The following WNT8B variants were observed in gnomAD, a reference collection of about 807,000 sequenced individuals.
The protein encoded by WNT8B is Wnt family member 8B, also known as protein Wnt-8b.
Under a neutral mutation model 36.6 loss-of-function variants are expected in WNT8B, and 24 were observed. That is an observed-to-expected ratio of 0.66 (90% CI 0.48 to 0.92). The LOEUF is 0.92. WNT8B is among the 40% of genes least tolerant of loss of function. The pLI, the probability that WNT8B is intolerant of heterozygous loss-of-function variation, is 0.00. For synonymous variants in WNT8B, 199 were observed against 189.8 expected (o/e 1.05, Z -0.40); for missense variants, 402 against 470.8 (o/e 0.85, Z 1.35).
At chr10:100,477,880 G>A (rs544907483) in intron 1 of WNT8B, among the ~76,000 whole-genome samples, 66 of 151,118 alleles carry the variant, frequency 4.4e-4, no homozygotes, top group African/African-American at 1.5e-3. Context: ...AGGTTCAAGC[G>A]ATTCTTGTGC....
In WNT8B at chr10:100,482,924, T is replaced by C. The variant is rs1475665239; in HGVS notation, c.*108T>C. The C allele has an allele frequency of 3.2e-6, 4 of 1,256,904 alleles. No homozygotes were observed. The Admixed American group carries it at 1.2e-4, about 38-fold the overall frequency. The allele number at this position is 1,256,904 out of a possible 1,614,324, so 77.9% of individuals were successfully genotyped here. ...GAACCCGCTCTCCCAGACCTAGGGATCCTGAGAGGGAGAGACTGCAATTTC... is the reference window on the plus strand; with the variant it reads ...GAACCCGCTCTCCCAGACCTAGGGACCCTGAGAGGGAGAGACTGCAATTTC... On this transcript the variant is annotated 3_prime_UTR_variant, in exon 6 of 6. Transcript: ENST00000343737. The surrounding 1 kb of genome is among the most constrained non-coding windows in gnomAD (Gnocchi z 6.6).
Position 100,482,499 on chromosome 10 carries a change from G to T in WNT8B, c.739G>T (p.Val247Leu). The change falls in exon 6 of 6, where the codon GTG becomes TTG. Residue 247 changes from valine (V) to leucine (L), a missense_variant. Coordinates refer to ENST00000343737, the MANE Select transcript of WNT8B (RefSeq NM_003393.4). This position sits in a 1 kb window ranked among gnomAD's most constrained non-coding sequence, Gnocchi z 6.6. Reference sequence around the variant, plus strand: ...TCGCTCCATCTCTACCCGGGAGCTGGTGCACCTGGAGGACTCCCCGGACTA... The same window carrying T: ...TCGCTCCATCTCTACCCGGGAGCTGTTGCACCTGGAGGACTCCCCGGACTA... Reference protein sequence around the residue: ...TFRSISTRELVHLEDSPDYCL... With the variant: ...TFRSISTRELLHLEDSPDYCL... 6.2e-7 allele frequency: 1 copy of T among 1,601,836 alleles called. No homozygotes were observed. Among genetic ancestry groups the T allele is most frequent in the Non-Finnish European group, 8.5e-7 (1 of 1,179,710 alleles).
chr10:100,465,821 C>T (rs1293594541), intron 1 of WNT8B, among the ~76,000 whole-genome samples: 1 of 152,090 alleles, frequency 6.6e-6, no homozygotes, highest in African/African-American at 2.4e-5. Flanking sequence ...CTTTCTATGG[C>T]TCTTGAAATC....
At chr10:100,471,239 G>A (rs982331009) in intron 1 of WNT8B, among the ~76,000 whole-genome samples, 3 of 152,154 alleles carry the variant, frequency 2.0e-5, no homozygotes, top group Admixed American at 6.5e-5. Flanking sequence ...ATCACCTAAC[G>A]ACACATTTCT....
intron 1 of WNT8B, among the ~76,000 whole-genome samples, chr10:100,474,313 T>C (rs774329739): frequency 6.7e-6 from 1 of 149,676 alleles, no homozygotes; most frequent in African/African-American, 2.5e-5. Context: ...GCAGCCTCCA[T>C]TTGTTAAACA....
chr10:100,480,542 C>G (rs1353728855), intron 3 of WNT8B, among the ~76,000 whole-genome samples: 1 of 152,174 alleles, frequency 6.6e-6, no homozygotes, highest in Non-Finnish European at 1.5e-5. Flanking sequence ...TACAACCTAG[C>G]CTTCAGATTC....
rs767758034 is a variant in WNT8B at position 100,481,050 on chromosome 10, C to T, written c.294C>T (p.Tyr98=). The stretch of plus-strand genomic sequence containing the variant: ...CCATCAGTTCTGCTGGAGTCATGTA[C>T]ACCCTGACTAGAAACTGCAGCCTTG... The part of the protein sequence containing the change: ...VHAISSAGVM[Y]TLTRNCSLGD... Residue 98 remains tyrosine (Y), a synonymous_variant, in exon 4 of 6, where the codon TAC becomes TAT. Coordinates refer to ENST00000343737, the MANE Select transcript of WNT8B (RefSeq NM_003393.4). 5.6e-6 allele frequency: 9 copies of T among 1,614,078 alleles called. No individual in the cohort carries two copies. Among genetic ancestry groups the T allele is most frequent in the Middle Eastern group, 1.6e-4 (1 of 6,062 alleles).
intron 1 of WNT8B, among the ~76,000 whole-genome samples, chr10:100,467,376 T>C (rs552696967): frequency 4.1e-4 from 63 of 152,294 alleles, no homozygotes; most frequent in Non-Finnish European, 7.6e-4. Context: ...CAGCACATTA[T>C]GGGGCTATAT....
chr10:100,474,548 T>G (rs1851014126), intron 1 of WNT8B, among the ~76,000 whole-genome samples: 1 of 152,102 alleles, frequency 6.6e-6, no homozygotes, highest in Non-Finnish European at 1.5e-5. Flanking sequence ...CCTCCTCCTT[T>G]GGTACTCACT....
At chr10:100,480,605 T>C (rs1304196356) in intron 3 of WNT8B, among the ~76,000 whole-genome samples, 1 of 152,164 alleles carries the variant, frequency 6.6e-6, no homozygotes, top group African/African-American at 2.4e-5. Flanking sequence ...GTGTCAACAG[T>C]ACCCTAGCCA....
chr10:100,464,934 C>G (rs6584380), intron 1 of WNT8B, among the ~76,000 whole-genome samples: 151,614 of 152,344 alleles, frequency 1, 75,450 homozygotes, highest in Middle Eastern at 1. Context: ...GAAACTATCA[C>G]GGTTTTGCAT....
intron 1 of WNT8B, among the ~76,000 whole-genome samples, chr10:100,478,811 G>A (rs531095714): frequency 6.6e-6 from 1 of 152,172 alleles, no homozygotes; most frequent in South Asian, 2.1e-4. Flanking sequence ...TCAAACTCCC[G>A]ACCTCAAGTG....
Position 100,480,775 on chromosome 10 carries a change from G to A in WNT8B, c.242-223G>A, listed in dbSNP as rs1466949351. 2.0e-5 allele frequency among the ~76,000 whole-genome samples: 3 copies of A among 152,160 alleles called. 1 individual carries two copies. The highest frequency in any genetic ancestry group is 4.1e-4 in the South Asian group (2 of 4,830). ...GTAATCCCAAGCTCTTTGGGAGGAC[G>A]AGGTAGGAAGACTGAGCCCAGAGTT... is the stretch of plus-strand genomic sequence containing the variant. On this transcript the variant is annotated intron_variant, in intron 3 of 5. Coordinates refer to ENST00000343737, the MANE Select transcript of WNT8B (RefSeq NM_003393.4).
In WNT8B at chr10:100,482,097, TCCAC is replaced by T; in HGVS notation, c.510+44_510+47del. 1 of 1,611,444 alleles carries T rather than the reference TCCAC, an allele frequency of 6.2e-7. No individual in the cohort carries two copies. The highest frequency in any genetic ancestry group is 8.5e-7 in the Non-Finnish European group (1 of 1,178,060). ...TGGAAATAGGCAGCTGCTGGCTATA[TCCAC>T]TACCAGCTCCAGGTGCGGACAACTC... On this transcript the variant is annotated intron_variant, in intron 5 of 5. Transcript: ENST00000343737. The surrounding 1 kb of genome is among the most constrained non-coding windows in gnomAD (Gnocchi z 6.6).
chr10:100,475,391 C>T (rs556377633), intron 1 of WNT8B, among the ~76,000 whole-genome samples: 2 of 152,146 alleles, frequency 1.3e-5, no homozygotes, highest in Non-Finnish European at 2.9e-5. Flanking sequence ...AACAAAAACA[C>T]AAGTCACTTT....
At position 100,479,213 on chromosome 10, in the gene WNT8B, T is replaced by C. The variant is rs999021686; in HGVS notation, c.102+128T>C. The C allele has an allele frequency of 2.1e-5, 19 of 901,276 alleles. 1 individual carries two copies. Among genetic ancestry groups the C allele is most frequent in the South Asian group, 6.7e-5 (3 of 44,660 alleles). The allele number at this position is 901,276 out of a possible 1,614,324, so 55.8% of individuals were successfully genotyped here. ...GCTGTATACATTACAGATAGAAAGA[T>C]TGAGACCCAGAGGGTGTTAGGGACA... is the stretch of plus-strand genomic sequence containing the variant. On this transcript the variant is annotated intron_variant, in intron 2 of 5. Transcript: ENST00000343737.
intron 1 of WNT8B, among the ~76,000 whole-genome samples, chr10:100,464,102 GAT>G (rs555879146): frequency 2.0e-5 from 3 of 152,114 alleles, no homozygotes; most frequent in Non-Finnish European, 4.4e-5. Context: ...ATTTAACAAA[GAT>G]ATAAATCCAA....
Position 100,482,779 on chromosome 10 carries a change from G to GA in WNT8B, c.1019_1020insA (p.Ala343ArgfsTer35). 6.3e-7 allele frequency: 1 copy of GA among 1,585,408 alleles called. No individual in the cohort carries two copies. Among genetic ancestry groups the GA allele is most frequent in the Non-Finnish European group, 8.6e-7 (1 of 1,164,522 alleles). On this transcript the variant is annotated frameshift_variant, in exon 6 of 6. Transcript: ENST00000343737. LOFTEE classifies it high-confidence loss of function. This position sits in a 1 kb window ranked among gnomAD's most constrained non-coding sequence, Gnocchi z 6.6. ...TTCTGTAGCCGCGCAGAGCGGCCGC[G>GA]GGGGGGCGCTGCGCACAAACCCGGG... is the stretch of plus-strand genomic sequence containing the variant.
At chr10:100,479,559 T>C (rs1851083465) in intron 2 of WNT8B, among the ~76,000 whole-genome samples, 1 of 152,158 alleles carries the variant, frequency 6.6e-6, no homozygotes, top group African/African-American at 2.4e-5. Context: ...CAGGATAGTA[T>C]AGTGAAGAAA....
Sources: allele counts gnomAD v4.1 joint callset (sites outside exome capture counted in the v4.1 genomes callset), GRCh38; gene constraint gnomAD v4.1.1; non-coding constraint Gnocchi (gnomAD v3.1); transcripts MANE v1.5; gene names NCBI Gene and HGNC (gene_info 2026-07-23, HGNC 2026-07-21).